Variants in KCTD13 observed in about 807,000 individuals in gnomAD.
KCTD13 encodes the protein BTB/POZ domain-containing adapter for CUL3-mediated RhoA degradation protein 1.
Under a neutral mutation model 32.3 loss-of-function variants are expected in KCTD13, and 15 were observed. The observed-to-expected ratio is 0.46, with a 90% confidence interval of 0.31 to 0.71. The LOEUF (loss-of-function observed/expected upper bound fraction) is 0.71, where lower values mean the gene tolerates loss of function less well. Among genes scored for constraint, KCTD13 ranks in the 30% least tolerant of loss-of-function variants. KCTD13 has a pLI of 0.05. For synonymous variants in KCTD13, 189 were observed against 200.1 expected (o/e 0.94, Z 0.47); for missense variants, 337 against 452.6 (o/e 0.74, Z 2.32).
intron 2 of KCTD13, among the ~76,000 whole-genome samples, chr16:29,916,896 C>T (rs564727701): frequency 3.9e-5 from 6 of 152,166 alleles, no homozygotes; most frequent in South Asian, 4.2e-4. Flanking sequence ...ACCACTATGG[C>T]GGGGAGTCTG....
At chr16:29,914,319 C>A (rs1237241772) in intron 2 of KCTD13, 1 of 152,206 alleles carries the variant, frequency 6.6e-6, no homozygotes, top group Admixed American at 6.6e-5. Flanking sequence ...CCAGGATCCC[C>A]CATCATCCCA....
In KCTD13 at chr16:29,911,877, G is replaced by T; in HGVS notation, c.505-10C>A. 1.9e-6 allele frequency: 3 copies of T among 1,612,350 alleles called. No individual in the cohort carries two copies. Among genetic ancestry groups the T allele is most frequent in the Non-Finnish European group, 2.5e-6 (3 of 1,179,102 alleles). ...GGAGCTTCACCACGGGCTGGCGGGG[G>T]AGAGAGGATGGACGAGAGGGGTGAG... On this transcript the variant is annotated splice_polypyrimidine_tract_variant and intron_variant, in intron 3 of 5. Transcript: ENST00000568000.
At chr16:29,922,097 A>C (rs1310475117) in intron 2 of KCTD13, 2 of 152,232 alleles carry the variant, frequency 1.3e-5, no homozygotes, top group East Asian at 3.8e-4. Context: ...ACAGCATTAA[A>C]AAGAAAGATT....
Position 29,911,807 on chromosome 16 carries a change from G to T in KCTD13, c.557+8C>A, listed in dbSNP as rs773174042. The T allele has an allele frequency of 6.2e-7, 1 of 1,612,466 alleles. No individual in the cohort carries two copies. The highest frequency in any genetic ancestry group is 1.1e-5 in the South Asian group (1 of 90,930). On this transcript the variant is annotated splice_region_variant and intron_variant, in intron 4 of 5. Transcript: ENST00000568000. ...GTCCCGCCCAGTGCCCCGCACCCCG[G>T]CGGTCACCTGGTGTAGGAGTACTTG... is the stretch of plus-strand genomic sequence containing the variant.
At chr16:29,912,876 C>A (rs376681332) in intron 2 of KCTD13, among the ~76,000 whole-genome samples, 1 of 152,204 alleles carries the variant, frequency 6.6e-6, no homozygotes, top group East Asian at 1.9e-4. Flanking sequence ...AATGAATGAA[C>A]ATATTTGTTG....
chr16:29,910,939 AC>A (rs779398179), intron 5 of KCTD13, 38 bp downstream of exon 5: 5 of 1,579,644 alleles, frequency 3.2e-6, no homozygotes, highest in Non-Finnish European at 4.3e-6. Context: ...GGTCCTGGCC[AC>A]CCCCAGCCCC....
In KCTD13 at chr16:29,925,907, C is replaced by G; in HGVS notation, c.127G>C (p.Val43Leu). ...AACGAGCCGCCCACGTTCAGCTTCA[C>G]GTATTTGCTGTTCGGGGTCAGCGGC... is the stretch of plus-strand genomic sequence containing the variant. ...LKPLTPNSKY[V>L]KLNVGGSLHY... The change falls in exon 1 of 6, where the codon GTG (valine) becomes CTG (leucine). Residue 43 changes from valine (V) to leucine (L), a missense_variant. Transcript: ENST00000568000. The G allele has an allele frequency of 1.9e-6, 3 of 1,614,070 alleles. No individual in the cohort carries two copies. Among genetic ancestry groups the G allele is most frequent in the Non-Finnish European group, 2.5e-6 (3 of 1,179,968 alleles).
In KCTD13 at chr16:29,907,128, C is replaced by T; in HGVS notation, c.754-20G>A. 2 of 1,560,592 alleles carry T rather than the reference C, an allele frequency of 1.3e-6. No homozygotes were observed. The highest frequency in any genetic ancestry group is 8.8e-7 in the Non-Finnish European group (1 of 1,138,808). ...TTCCACCTGCAAAAGGCCAGCCGGC[C>T]CCAGCTCCTTCCTTCTGGTGCAGTC... On this transcript the variant is annotated intron_variant, in intron 5 of 5. Coordinates refer to ENST00000568000, the MANE Select transcript of KCTD13 (RefSeq NM_178863.5).
chr16:29,925,865 G>A lies in KCTD13; in HGVS notation c.169C>T (p.Arg57Cys), dbSNP rs373591971. 2 of 1,613,966 alleles carry A rather than the reference G, an allele frequency of 1.2e-6. No homozygotes were observed. Among genetic ancestry groups the A allele is most frequent in the African/African-American group, 2.7e-5 (2 of 74,904 alleles). The change falls in exon 1 of 6, where the codon CGC becomes TGC. Residue 57 changes from arginine (R) to cysteine (C), a missense_variant. By Grantham distance (180) the Arg-to-Cys change is radical. Around this residue, in one of 3 missense-constraint regions of KCTD13, gnomAD observed 21 missense variants for 52.7 expected, o/e 0.40. Coordinates refer to ENST00000568000, the MANE Select transcript of KCTD13 (RefSeq NM_178863.5). ...VGGSLHYTTL[R>C]TLTGQDTMLK... Reference sequence around the variant, plus strand: ...ATGGTGTCCTGTCCCGTGAGGGTGCGCAGCGTGGTGTAGTGCAACGAGCCG... The same window carrying A: ...ATGGTGTCCTGTCCCGTGAGGGTGCACAGCGTGGTGTAGTGCAACGAGCCG...
intron 2 of KCTD13, among the ~76,000 whole-genome samples, chr16:29,917,151 T>C (rs1226140730): frequency 6.6e-6 from 1 of 152,164 alleles, no homozygotes. Flanking sequence ...GGGAGGGGAC[T>C]GAACAAGAGC....
Position 29,923,288 on chromosome 16 carries a change from G to T in KCTD13, c.316C>A (p.Pro106Thr), listed in dbSNP as rs1450507382. The T allele has an allele frequency of 6.2e-7, 1 of 1,614,156 alleles. No individual in the cohort carries two copies. Among genetic ancestry groups the T allele is most frequent in the Non-Finnish European group, 8.5e-7 (1 of 1,180,010 alleles). The change falls in exon 2 of 6, where the codon CCA (proline) becomes ACA (threonine). Residue 106 changes from proline to threonine, a missense_variant. By Grantham distance (38) the Pro-to-Thr change is conservative. Transcript: ENST00000568000. The part of the protein sequence containing the change: ...ILNYLRDGSV[P>T]LPESTRELGE... ...AGTTCTCTCGTACTCTCCGGCAGTGGCACAGACCCATCCCGCAGGTAATTG... is the reference window on the plus strand; with the variant it reads ...AGTTCTCTCGTACTCTCCGGCAGTGTCACAGACCCATCCCGCAGGTAATTG...
chr16:29,926,028 C>A lies in KCTD13; in HGVS notation c.6G>T (p.Ser2=), dbSNP rs753074505. The change falls in exon 1 of 6, where the codon TCG becomes TCT. Residue 2 remains serine (S), a synonymous_variant. Coordinates refer to ENST00000568000, the MANE Select transcript of KCTD13 (RefSeq NM_178863.5). M[S]AEASGPAAAA... ...CGGCAGCCGGGCCCGAGGCCTCCGC[C>A]GACATGCCGGGTAGCAGCGGCGGAC... 883 of 1,527,076 alleles carry A rather than the reference C, an allele frequency of 5.8e-4. 6 individuals are homozygous for A. Among genetic ancestry groups the A allele is most frequent in the Non-Finnish European group, 2.7e-4 (313 of 1,143,930 alleles). 94.6% of individuals were successfully genotyped at this position (1,527,076 alleles called of 1,614,324 possible).
chr16:29,908,510 G>A lies in KCTD13; in HGVS notation c.754-1402C>T, dbSNP rs561032677. ...AGCGATTTTCCTGCTTCAACCTCCCGGAGTAGCTGGGATTACAGGCATGTG... is the reference window on the plus strand; with the variant it reads ...AGCGATTTTCCTGCTTCAACCTCCCAGAGTAGCTGGGATTACAGGCATGTG... On this transcript the variant is annotated intron_variant, in intron 5 of 5. Coordinates refer to ENST00000568000, the MANE Select transcript of KCTD13 (RefSeq NM_178863.5). Among the ~76,000 whole-genome samples, 28 of 152,026 alleles carry A rather than the reference G, an allele frequency of 1.8e-4. No homozygotes were observed. In the South Asian group the frequency reaches 5.8e-3, roughly 32 times the overall value.
At chr16:29,907,184 T>G in intron 5 of KCTD13, 76 bp from the exon 6 acceptor site, 1 of 1,019,020 alleles carries the variant, frequency 9.8e-7, no homozygotes, top group East Asian at 2.4e-5. Flanking sequence ...CTAGGGCCCC[T>G]GCACCAACAC....
chr16:29,913,761 G>C (rs1346833824), intron 2 of KCTD13: 1 of 151,526 alleles, frequency 6.6e-6, no homozygotes, highest in East Asian at 2.0e-4. Flanking sequence ...GGTTGCTTGA[G>C]TATCCTCGCA....
At position 29,923,173 on chromosome 16, in the gene KCTD13, A is replaced by G; in HGVS notation, c.414+17T>C. 1 of 1,613,166 alleles carries G rather than the reference A, an allele frequency of 6.2e-7. No homozygotes were observed. Among genetic ancestry groups the G allele is most frequent in the Non-Finnish European group, 8.5e-7 (1 of 1,179,434 alleles). ...CTCTCCCAGGAACATAGGCATGGGG[A>G]CTCCGAAGGCCCTCACCTGCAGCGC... On this transcript the variant is annotated intron_variant, in intron 2 of 5. Coordinates refer to ENST00000568000, the MANE Select transcript of KCTD13 (RefSeq NM_178863.5).
intron 2 of KCTD13, among the ~76,000 whole-genome samples, chr16:29,916,953 G>C (rs146322975): frequency 6.6e-6 from 1 of 152,312 alleles, no homozygotes; most frequent in East Asian, 1.9e-4. Flanking sequence ...GTGGACCTCT[G>C]CTTAGGGATG....
intron 5 of KCTD13, among the ~76,000 whole-genome samples, chr16:29,907,523 A>G (rs2068634259): frequency 6.6e-6 from 1 of 152,200 alleles, no homozygotes; most frequent in South Asian, 2.1e-4. Context: ...GCAGTGACTC[A>G]GGCCTGTAAT....
At chr16:29,921,409 A>C (rs2068909991) in intron 2 of KCTD13, 1 of 152,164 alleles carries the variant, frequency 6.6e-6, no homozygotes, top group Non-Finnish European at 1.5e-5. Context: ...GAAAGGAGAG[A>C]GCAGGAGTAT....
Sources: gnomAD v4.1 joint callset for allele counts (sites outside exome capture counted in the v4.1 genomes callset) on GRCh38, gnomAD v4.1.1 for gene constraint, gnomAD v4.1.1 regional missense constraint, MANE v1.5 for transcripts, NCBI Gene and HGNC (gene_info 2026-07-23, HGNC 2026-07-21) for gene names.